The following GALNT10 variants were observed in gnomAD, a reference collection of about 807,000 sequenced individuals.
The protein encoded by GALNT10 is GalNAc transferase 10.
Under a neutral mutation model 75.0 loss-of-function variants are expected in GALNT10, and 41 were observed. The observed-to-expected ratio is 0.55, with a 90% CI of 0.43 to 0.71. The LOEUF is 0.71. GALNT10 is among the 30% of genes least tolerant of loss of function. The pLI is 0.00. For missense variants in GALNT10, 727 were observed against 818.5 expected (o/e 0.89, Z 1.36); for synonymous variants, 302 against 313.0 (o/e 0.96, Z 0.37).
intron 1 of GALNT10, among the ~76,000 whole-genome samples, chr5:154,241,750 A>AC (rs1554095165): frequency 6.6e-6 from 1 of 152,140 alleles, no homozygotes; most frequent in Non-Finnish European, 1.5e-5. Context: ...ATGTTATTGG[A>AC]CATTTAGATT....
intron 1 of GALNT10, among the ~76,000 whole-genome samples, chr5:154,227,429 A>C (rs994848721): frequency 2.0e-5 from 3 of 152,216 alleles, no homozygotes; most frequent in African/African-American, 4.8e-5. Context: ...ATCTTTTTGC[A>C]TGCTTATTTC....
chr5:154,337,988 G>C, intron 4 of GALNT10: 3 of 1,578,046 alleles, frequency 1.9e-6, no homozygotes, highest in Non-Finnish European at 1.7e-6. Context: ...CAAAGGCAAA[G>C]CCCCTTTTCT....
At chr5:154,324,732 G>A (rs373351908) in intron 3 of GALNT10, among the ~76,000 whole-genome samples, 1 of 152,026 alleles carries the variant, frequency 6.6e-6, no homozygotes, top group Non-Finnish European at 1.5e-5. Flanking sequence ...CAGAGAATCC[G>A]CATTTCTAAC....
At chr5:154,302,728 C>G (rs966021991) in intron 3 of GALNT10, among the ~76,000 whole-genome samples, 1 of 152,204 alleles carries the variant, frequency 6.6e-6, no homozygotes, top group African/African-American at 2.4e-5. Context: ...CCAAGTCTAC[C>G]AGATCCCTCC....
chr5:154,415,337 G>A (rs1561688479), intron 10 of GALNT10, among the ~76,000 whole-genome samples: 2 of 146,030 alleles, frequency 1.4e-5, no homozygotes, highest in South Asian at 2.3e-4. Context: ...CCTTGAGTTG[G>A]TAACTTATTT....
chr5:154,242,921 A>G (rs1753361609), intron 1 of GALNT10, among the ~76,000 whole-genome samples: 1 of 152,148 alleles, frequency 6.6e-6, no homozygotes, highest in East Asian at 1.9e-4. Context: ...TATTTGTTCT[A>G]TTTTGGCATG....
At chr5:154,307,604 AGT>A (rs757551174) in intron 3 of GALNT10, among the ~76,000 whole-genome samples, 14 of 146,908 alleles carry the variant, frequency 9.5e-5, no homozygotes, top group Non-Finnish European at 1.9e-4. Context: ...TGGGCGACAG[AGT>A]GAGACTCCAT....
chr5:154,198,833 C>G (rs1774984010), intron 1 of GALNT10, among the ~76,000 whole-genome samples: 1 of 152,172 alleles, frequency 6.6e-6, no homozygotes. Flanking sequence ...CAGAGGCCCT[C>G]TAGAAGATTT....
At chr5:154,216,550 A>T (rs1752875785) in intron 1 of GALNT10, among the ~76,000 whole-genome samples, 1 of 152,234 alleles carries the variant, frequency 6.6e-6, no homozygotes, top group African/African-American at 2.4e-5. Context: ...GTTCATCAGA[A>T]CAACCTCATT....
At chr5:154,371,682 G>A (rs1007864511) in intron 4 of GALNT10, among the ~76,000 whole-genome samples, 18 of 152,188 alleles carry the variant, frequency 1.2e-4, no homozygotes, top group African/African-American at 4.3e-4. Flanking sequence ...AGAGAGTTGG[G>A]GCAAGGCTTT....
intron 1 of GALNT10, among the ~76,000 whole-genome samples, chr5:154,266,589 A>G (rs2113029916): frequency 7.0e-6 from 1 of 142,894 alleles, no homozygotes; most frequent in Non-Finnish European, 1.6e-5. Flanking sequence ...AAAAAAAAAC[A>G]GCTTCCCAGG....
intron 7 of GALNT10, among the ~76,000 whole-genome samples, chr5:154,403,072 A>G (rs890571974): frequency 1.3e-5 from 2 of 152,214 alleles, no homozygotes; most frequent in African/African-American, 2.4e-5. Flanking sequence ...TTTACACACA[A>G]TATCTCATCT....
At chr5:154,222,209 A>G (rs1488869419) in intron 1 of GALNT10, among the ~76,000 whole-genome samples, 2 of 149,566 alleles carry the variant, frequency 1.3e-5, no homozygotes, top group Non-Finnish European at 3.0e-5. Flanking sequence ...TTGAAGGAAT[A>G]ATATAGTATG....
chr5:154,355,007 G>A (rs533915304), intron 4 of GALNT10, among the ~76,000 whole-genome samples: 1 of 152,194 alleles, frequency 6.6e-6, no homozygotes, highest in Non-Finnish European at 1.5e-5. Flanking sequence ...AGTCGTTGTG[G>A]TACTGTTTGT....
In GALNT10 at chr5:154,219,830, T is replaced by TCACACACACACACACA. The variant is rs1160794970; in HGVS notation, c.159+28806_159+28807insACACACACACACACAC. Among the ~76,000 whole-genome samples the TCACACACACACACACA allele has an allele frequency of 2.4e-4, 18 of 75,680 alleles. No individual in the cohort carries two copies. In the East Asian group the frequency reaches 0.02, roughly 85 times the overall value. The allele number at this position is 75,680 out of a possible 152,430, so 49.6% of individuals were successfully genotyped here. A position where few individuals can be genotyped will look rare whatever the true frequency, so the allele number is the denominator to read the frequency against. Reference sequence around the variant, plus strand: ...CTCTCGCGCTCTCTCTCTCTCTCTCTCTCTCTCTCACACACACACACACAC... The same window carrying TCACACACACACACACA: ...CTCTCGCGCTCTCTCTCTCTCTCTCTCACACACACACACACACTCTCTCTCACACACACACACACAC... On this transcript the variant is annotated intron_variant, in intron 1 of 11. Transcript: ENST00000297107.
rs1161138944 is a variant in GALNT10 at position 154,409,411 on chromosome 5, T to G, written c.1165-130T>G. 2 of 756,824 alleles carry G rather than the reference T, an allele frequency of 2.6e-6. No homozygotes were observed. The highest frequency in any genetic ancestry group is 4.9e-6 in the Non-Finnish European group (2 of 410,496). 46.9% of individuals were successfully genotyped at this position (756,824 alleles called of 1,614,324 possible). A position where few individuals can be genotyped will look rare whatever the true frequency, so the allele number is the denominator to read the frequency against. On this transcript the variant is annotated intron_variant, in intron 8 of 11. Coordinates refer to ENST00000297107, the MANE Select transcript of GALNT10 (RefSeq NM_198321.4). This position sits in a 1 kb window ranked among gnomAD's most constrained non-coding sequence, Gnocchi z 4.5. ...AAACACAGAAGGCCTAAACTCACGG[T>G]GGGGCTGGGATTTTTGATGGAACAT...
At chr5:154,315,425 G>C (rs537155935) in intron 3 of GALNT10, among the ~76,000 whole-genome samples, 1 of 152,350 alleles carries the variant, frequency 6.6e-6, no homozygotes, top group East Asian at 1.9e-4. Flanking sequence ...CTGGCCTCCA[G>C]GTTCTCTTAT....
intron 7 of GALNT10, among the ~76,000 whole-genome samples, chr5:154,395,900 G>A (rs1256836655): frequency 6.6e-6 from 1 of 152,220 alleles, no homozygotes; most frequent in African/African-American, 2.4e-5. Flanking sequence ...CTGAGTCAGA[G>A]GCTGCCGTGG....
At chr5:154,339,388 A>C (rs1347747559) in intron 4 of GALNT10, among the ~76,000 whole-genome samples, 2 of 152,240 alleles carry the variant, frequency 1.3e-5, no homozygotes, top group Non-Finnish European at 2.9e-5. Context: ...TAAGAAGATT[A>C]AAACTGTTAC....
Sources: gnomAD v4.1 joint callset for allele counts (sites outside exome capture counted in the v4.1 genomes callset) on GRCh38, gnomAD v4.1.1 for gene constraint, Gnocchi (gnomAD v3.1) non-coding constraint, MANE v1.5 for transcripts, NCBI Gene and HGNC (gene_info 2026-07-23, HGNC 2026-07-21) for gene names.